Variants in EXOC4 observed in about 807,000 individuals in gnomAD.
EXOC4 encodes the protein SEC8-like 1.
In EXOC4, 71 loss-of-function variants were observed where a neutral mutation model predicts 107.2. The ratio of observed to expected loss-of-function variants is 0.66; its 90% CI spans 0.55 to 0.81. EXOC4 has a LOEUF of 0.81. EXOC4 is among the 30% of genes least tolerant of loss of function. The probability of loss-of-function intolerance (pLI) is 0.00; values close to 1 mark genes in which losing one functional copy is unlikely to be tolerated. For synonymous variants in EXOC4, 456 were observed against 441.2 expected (o/e 1.03, Z -0.42); for missense variants, 1,108 against 1,189.6 (o/e 0.93, Z 1.01).
intron 10 of EXOC4, among the ~76,000 whole-genome samples, chr7:133,650,495 T>A (rs944331338): frequency 4.6e-5 from 7 of 152,158 alleles, no homozygotes; most frequent in East Asian, 3.8e-4. Context: ...TGGGTTTTTT[T>A]AAATAAAAAA....
intron 10 of EXOC4, among the ~76,000 whole-genome samples, chr7:133,790,027 G>T (rs1796671146): frequency 6.6e-6 from 1 of 152,188 alleles, no homozygotes; most frequent in African/African-American, 2.4e-5. Context: ...GACGCCAGTA[G>T]TGTTAGGCAG....
chr7:133,446,721 A>G (rs571448464), intron 7 of EXOC4, among the ~76,000 whole-genome samples: 1 of 152,346 alleles, frequency 6.6e-6, no homozygotes, highest in South Asian at 2.1e-4. Context: ...GATAATCCTC[A>G]TAGGTAATTT....
chr7:133,801,956 C>T (rs965251802), intron 10 of EXOC4, among the ~76,000 whole-genome samples: 2 of 152,174 alleles, frequency 1.3e-5, no homozygotes, highest in African/African-American at 4.8e-5. Flanking sequence ...TATAGTATTG[C>T]ATCAGAAAGT....
intron 5 of EXOC4, among the ~76,000 whole-genome samples, chr7:133,325,987 C>T (rs1054870113): frequency 1.3e-5 from 2 of 152,228 alleles, no homozygotes; most frequent in Non-Finnish European, 2.9e-5. Context: ...GATACCTCTT[C>T]TTCCAGTTGA....
chr7:133,614,843 T>C (rs1239891597), intron 9 of EXOC4, among the ~76,000 whole-genome samples: 2 of 129,172 alleles, frequency 1.5e-5, no homozygotes, highest in Non-Finnish European at 3.2e-5. Context: ...GGTTTCAAGA[T>C]AGAGATCTTG....
At position 133,799,604 on chromosome 7, in the gene EXOC4, G is replaced by A. The variant is rs76490089; in HGVS notation, c.1515-17721G>A. 8.9e-3 allele frequency among the ~76,000 whole-genome samples: 1,350 copies of A among 152,318 alleles called. 29 individuals are homozygous for A. Among genetic ancestry groups the A allele is most frequent in the African/African-American group, 0.032 (1,318 of 41,572 alleles). On this transcript the variant is annotated intron_variant, in intron 10 of 17. Transcript: ENST00000253861. ...CATGAAATCATCAAATGGCCATTAT[G>A]CAGAGATATGGGAATGTAACGCAGC...
chr7:133,280,862 A>G (rs1326818153), intron 2 of EXOC4, among the ~76,000 whole-genome samples: 1 of 152,200 alleles, frequency 6.6e-6, no homozygotes, highest in Non-Finnish European at 1.5e-5. Context: ...CAAATATAAG[A>G]TGCTGCTTGT....
chr7:133,675,442 A>G (rs1173592789), intron 10 of EXOC4, among the ~76,000 whole-genome samples: 1 of 152,182 alleles, frequency 6.6e-6, no homozygotes, highest in African/African-American at 2.4e-5. Flanking sequence ...TTTATTTGAT[A>G]TGATTTGCTT....
chr7:133,441,378 G>C (rs1454803863), intron 7 of EXOC4, among the ~76,000 whole-genome samples: 1 of 152,064 alleles, frequency 6.6e-6, no homozygotes, highest in Non-Finnish European at 1.5e-5. Context: ...TATGGAGCAA[G>C]GGTTTCTAAT....
At chr7:133,615,536 G>A (rs1290368333) in intron 9 of EXOC4, among the ~76,000 whole-genome samples, 1 of 152,132 alleles carries the variant, frequency 6.6e-6, no homozygotes, top group African/African-American at 2.4e-5. Flanking sequence ...GACTGGAATG[G>A]GAGAAGCAAC....
chr7:134,073,224 A>AAAAAAC, the EXOC4 span, among the ~76,000 whole-genome samples: 5 of 34,740 alleles, frequency 1.4e-4, no homozygotes, highest in African/African-American at 3.0e-4. Context: ...AAAAAAAAAA[A>AAAAAAC]AAAAAAAACA....
chr7:133,521,969 A>C (rs1044535421), intron 9 of EXOC4, among the ~76,000 whole-genome samples: 9 of 151,750 alleles, frequency 5.9e-5, no homozygotes, highest in African/African-American at 1.9e-4. Flanking sequence ...CAATATAATA[A>C]TAATGGTGTG....
chr7:133,453,734 T>C (rs998522450), intron 7 of EXOC4, among the ~76,000 whole-genome samples: 2 of 152,124 alleles, frequency 1.3e-5, no homozygotes, highest in Non-Finnish European at 2.9e-5. Flanking sequence ...AGTTATCGTC[T>C]CTTGGTTAAT....
At chr7:133,905,822 A>G (rs545979139) in intron 12 of EXOC4, among the ~76,000 whole-genome samples, 38 of 152,262 alleles carry the variant, frequency 2.5e-4, no homozygotes, top group Non-Finnish European at 4.4e-4. Flanking sequence ...CATGCTGGAC[A>G]TGAAGAAAGA....
chr7:133,406,931 C>A (rs1196606615), intron 7 of EXOC4, among the ~76,000 whole-genome samples: 1 of 152,180 alleles, frequency 6.6e-6, no homozygotes, highest in Non-Finnish European at 1.5e-5. Context: ...GAACCTTATG[C>A]TCTTTATTAG....
At chr7:133,516,263 G>A (rs1376471523) in intron 9 of EXOC4, among the ~76,000 whole-genome samples, 1 of 152,130 alleles carries the variant, frequency 6.6e-6, no homozygotes, top group Non-Finnish European at 1.5e-5. Flanking sequence ...TTTTTAGGGT[G>A]TTCACAAAGT....
intron 16 of EXOC4, among the ~76,000 whole-genome samples, chr7:134,006,357 CA>C (rs1438617127): frequency 7.3e-6 from 1 of 136,218 alleles, no homozygotes; most frequent in Non-Finnish European, 1.6e-5. Flanking sequence ...AGAATGACAC[CA>C]AAACTTGGCC....
intron 5 of EXOC4, among the ~76,000 whole-genome samples, chr7:133,331,890 T>C (rs1344876508): frequency 6.6e-6 from 1 of 152,230 alleles, no homozygotes; most frequent in Non-Finnish European, 1.5e-5. Flanking sequence ...CTTTCTCTTA[T>C]TCTCCTCAGT....
chr7:133,696,131 A>T (rs1794528554), intron 10 of EXOC4, among the ~76,000 whole-genome samples: 1 of 152,224 alleles, frequency 6.6e-6, no homozygotes, highest in Non-Finnish European at 1.5e-5. Flanking sequence ...CTCATTAAAC[A>T]GATCAGGTGG....
Sources: gnomAD v4.1 joint callset for allele counts (sites outside exome capture counted in the v4.1 genomes callset) on GRCh38, gnomAD v4.1.1 for gene constraint, MANE v1.5 for transcripts, NCBI Gene and HGNC (gene_info 2026-07-23, HGNC 2026-07-21) for gene names.